Variants in ZNF614 observed in about 807,000 individuals in gnomAD.
ZNF614 encodes zinc finger protein 614.
In ZNF614, 11 loss-of-function variants were observed where a neutral mutation model predicts 12.8. That is an observed-to-expected ratio of 0.86 (90% CI 0.54 to 1.43). The LOEUF is 1.43. Among genes scored for constraint, ZNF614 ranks in the 40% most tolerant of loss-of-function variants. The probability of loss-of-function intolerance (pLI) is 0.00; values close to 1 mark genes in which losing one functional copy is unlikely to be tolerated. For missense variants in ZNF614, 664 were observed against 708.8 expected (o/e 0.94, Z 0.72); for synonymous variants, 237 against 237.5 (o/e 1.00, Z 0.02).
At position 52,015,818 on chromosome 19, in the gene ZNF614, T is replaced by C. The variant is rs752624933; in HGVS notation, c.*22A>G. On this transcript the variant is annotated 3_prime_UTR_variant, in exon 5 of 5. Transcript: ENST00000270649. ...GGCATTTCCATAGTCACGGCACTAGTAGGGTTTTCTTCTGCATGAGTTCAC... is the reference window on the plus strand; with the variant it reads ...GGCATTTCCATAGTCACGGCACTAGCAGGGTTTTCTTCTGCATGAGTTCAC... 5 of 1,578,852 alleles carry C rather than the reference T, an allele frequency of 3.2e-6. No homozygotes were observed. Among genetic ancestry groups the C allele is most frequent in the Non-Finnish European group, 2.6e-6 (3 of 1,163,322 alleles).
At chr19:52,021,499 C>T (rs2086932866) in intron 2 of ZNF614, among the ~76,000 whole-genome samples, 1 of 152,036 alleles carries the variant, frequency 6.6e-6, no homozygotes, top group East Asian at 1.9e-4. Flanking sequence ...TCTGTAATTA[C>T]AGTACTTCCA....
Position 52,027,211 on chromosome 19 carries a change from T to C in ZNF614, c.-217+1031A>G, listed in dbSNP as rs528807924. On this transcript the variant is annotated intron_variant, in intron 1 of 4. Transcript: ENST00000270649. ...GATCAATTTTAGGAAAGAGAACACA[T>C]GGAAGGCTCCAAGAATGTCTTTAAA... Among the ~76,000 whole-genome samples the C allele has an allele frequency of 3.3e-5, 5 of 152,356 alleles. No individual in the cohort carries two copies. The East Asian group carries it at 9.6e-4, about 29-fold the overall frequency.
chr19:52,027,731 G>A (rs1383127593), intron 1 of ZNF614, among the ~76,000 whole-genome samples: 5 of 152,118 alleles, frequency 3.3e-5, no homozygotes, highest in African/African-American at 1.2e-4. Flanking sequence ...AAAAACGTAT[G>A]AAGCAAAACA....
At position 52,015,626 on chromosome 19, in the gene ZNF614, A is replaced by G; in HGVS notation, c.*214T>C. ...ATTGACAGAAAATATGAGGTAAAAGACCACTAAAGGCACTACCTTATTTAC... is the reference window on the plus strand; with the variant it reads ...ATTGACAGAAAATATGAGGTAAAAGGCCACTAAAGGCACTACCTTATTTAC... On this transcript the variant is annotated 3_prime_UTR_variant, in exon 5 of 5. Coordinates refer to ENST00000270649, the MANE Select transcript of ZNF614 (RefSeq NM_025040.4). 2.1e-6 allele frequency: 1 copy of G among 477,610 alleles called. No homozygotes were observed. Among genetic ancestry groups the G allele is most frequent in the South Asian group, 3.8e-5 (1 of 26,554 alleles). 29.6% of individuals were successfully genotyped at this position (477,610 alleles called of 1,614,324 possible).
Position 52,016,796 on chromosome 19 carries a change from A to G in ZNF614, c.802T>C (p.Ser268Pro). The G allele has an allele frequency of 1.2e-6, 2 of 1,613,908 alleles. No homozygotes were observed. The highest frequency in any genetic ancestry group is 2.2e-5 in the East Asian group (1 of 44,872). The change falls in exon 5 of 5, where the codon TCT (serine) becomes CCT (proline). Residue 268 changes from serine (S) to proline (P), a missense_variant. Coordinates refer to ENST00000270649, the MANE Select transcript of ZNF614 (RefSeq NM_025040.4). ...GTAATGAGACTACTCTTCACAGTAG[A>G]GCCTTTTCTATATTCATTGGGTATA... ...ICIPNEYRKG[S>P]TVKSSLITHQ...
chr19:52,017,961 C>G, intron 4 of ZNF614, 47 bp downstream of exon 4: 1 of 1,462,344 alleles, frequency 6.8e-7, no homozygotes, highest in East Asian at 2.3e-5. Flanking sequence ...TCCTTAATGA[C>G]TACAATAAGA....
chr19:52,015,131 G>C lies in ZNF614; in HGVS notation c.*709C>G, dbSNP rs1402391740. Reference sequence around the variant, plus strand: ...ACCAGGTGTATTAGCTGATGTTTAAGGTTATACTTATTAAGAAAAAGCACT... The same window carrying C: ...ACCAGGTGTATTAGCTGATGTTTAACGTTATACTTATTAAGAAAAAGCACT... On this transcript the variant is annotated 3_prime_UTR_variant, in exon 5 of 5. Coordinates refer to ENST00000270649, the MANE Select transcript of ZNF614 (RefSeq NM_025040.4). 1.3e-5 allele frequency: 2 copies of C among 151,988 alleles called. No homozygotes were observed. Among genetic ancestry groups the C allele is most frequent in the Non-Finnish European group, 2.9e-5 (2 of 68,018 alleles). The allele number at this position is 151,988 out of a possible 1,614,324, so 9.4% of individuals were successfully genotyped here. A position where few individuals can be genotyped will look rare whatever the true frequency, so the allele number is the denominator to read the frequency against.
rs2086897765 is a variant in ZNF614 at position 52,016,416 on chromosome 19, T to C, written c.1182A>G (p.Thr394=). 1 of 1,614,208 alleles carries C rather than the reference T, an allele frequency of 6.2e-7. No individual in the cohort carries two copies. Among genetic ancestry groups the C allele is most frequent in the Non-Finnish European group, 8.5e-7 (1 of 1,180,030 alleles). ...CGCTGCATATGTAAGATTTTTCTCC[T>C]GTGTGGGAGCGCTGATGTACAATGA... The part of the protein sequence containing the change: ...SNLIVHQRSH[T]GEKSYICSEC... Residue 394 remains threonine, a synonymous_variant, in exon 5 of 5, where the codon ACA becomes ACG. Coordinates refer to ENST00000270649, the MANE Select transcript of ZNF614 (RefSeq NM_025040.4).
At chr19:52,028,078 G>A (rs1037404972) in intron 1 of ZNF614, among the ~76,000 whole-genome samples, 164 bp downstream of exon 1, 1 of 152,188 alleles carries the variant, frequency 6.6e-6, no homozygotes, top group Non-Finnish European at 1.5e-5. Context: ...AGTCGGACTC[G>A]TCGCTGATTT....
chr19:52,016,546 C>T lies in ZNF614; in HGVS notation c.1052G>A (p.Gly351Asp), dbSNP rs554426380. 2.6e-5 allele frequency: 42 copies of T among 1,613,934 alleles called. No individual in the cohort carries two copies. In the South Asian group the frequency reaches 3.7e-4, roughly 14 times the overall value. ...AACAAGATAGCGCTTCATGGTGAAGCCTTTTCCACATTCACTGCATATATA... is the reference window on the plus strand; with the variant it reads ...AACAAGATAGCGCTTCATGGTGAAGTCTTTTCCACATTCACTGCATATATA... ...KPYICSECGKGFTMKRYLVVH... is the reference protein window; with the variant it reads ...KPYICSECGKDFTMKRYLVVH... Residue 351 changes from glycine to aspartate, a missense_variant, in exon 5 of 5, where the codon GGC becomes GAC. Coordinates refer to ENST00000270649, the MANE Select transcript of ZNF614 (RefSeq NM_025040.4).
intron 3 of ZNF614, 52 bp downstream of exon 3, chr19:52,018,316 G>A (rs1440006368): frequency 1.7e-5 from 27 of 1,612,614 alleles, no homozygotes; most frequent in East Asian, 4.5e-5. Flanking sequence ...AGCATAGGAC[G>A]GTGTCTGGGC....
At chr19:52,023,103 AAAG>A (rs1488129829) in intron 2 of ZNF614, among the ~76,000 whole-genome samples, 1 of 151,076 alleles carries the variant, frequency 6.6e-6, no homozygotes, top group Non-Finnish European at 1.5e-5. Context: ...AAAAAAAAAA[AAAG>A]AAAAAAACTC....
rs760706528 is a variant in ZNF614 at position 52,017,038 on chromosome 19, T to C, written c.560A>G (p.His187Arg). 5 of 1,614,162 alleles carry C rather than the reference T, an allele frequency of 3.1e-6. No homozygotes were observed. In the East Asian group the frequency reaches 6.7e-5, roughly 22 times the overall value. ...TRFSENAKCI[H>R]TKFQVFKHQR... ...ATGCTTGAAGACTTGGAATTTAGTATGGATACATTTTGCATTTTCAGAAAA... is the reference window on the plus strand; with the variant it reads ...ATGCTTGAAGACTTGGAATTTAGTACGGATACATTTTGCATTTTCAGAAAA... Residue 187 changes from histidine (H) to arginine (R), a missense_variant, in exon 5 of 5, where the codon CAT (histidine) becomes CGT (arginine). By Grantham distance (29) the His-to-Arg change is conservative. Transcript: ENST00000270649.
In ZNF614 at chr19:52,014,528, C is replaced by T. The variant is rs912220981; in HGVS notation, c.*1312G>A. On this transcript the variant is annotated 3_prime_UTR_variant, in exon 5 of 5. Coordinates refer to ENST00000270649, the MANE Select transcript of ZNF614 (RefSeq NM_025040.4). The stretch of plus-strand genomic sequence containing the variant: ...ACAGGGCTCACAAAACTCAAGAAAA[C>T]AGCGTACTTTGTTTTACTGGTTATA... 6 of 152,160 alleles carry T rather than the reference C, an allele frequency of 3.9e-5. No individual in the cohort carries two copies. The highest frequency in any genetic ancestry group is 1.4e-4 in the African/African-American group (6 of 41,430). The allele number at this position is 152,160 out of a possible 1,614,324, so 9.4% of individuals were successfully genotyped here. A position where few individuals can be genotyped will look rare whatever the true frequency, so the allele number is the denominator to read the frequency against.
chr19:52,023,632 C>T (rs2086949376), intron 2 of ZNF614, among the ~76,000 whole-genome samples: 1 of 152,080 alleles, frequency 6.6e-6, no homozygotes, highest in Admixed American at 6.6e-5. Context: ...AAAAGACACA[C>T]CTATTTCTCA....
In ZNF614 at chr19:52,025,774, A is replaced by G; in HGVS notation, c.-29T>C. The G allele has an allele frequency of 1.2e-6, 2 of 1,612,838 alleles. No individual in the cohort carries two copies. The highest frequency in any genetic ancestry group is 1.7e-6 in the Non-Finnish European group (2 of 1,179,204). On this transcript the variant is annotated 5_prime_UTR_variant, in exon 2 of 5. Coordinates refer to ENST00000270649, the MANE Select transcript of ZNF614 (RefSeq NM_025040.4). ...CTTCTGTGCTCAGAAAATAGTGGAT[A>G]ACATGGACTATACGTCTTTGTCTCT...
At chr19:52,021,942 A>T (rs957586478) in intron 2 of ZNF614, among the ~76,000 whole-genome samples, 5 of 152,230 alleles carry the variant, frequency 3.3e-5, no homozygotes, top group African/African-American at 1.2e-4. Flanking sequence ...AAATTAAATG[A>T]ACAAAGACTA....
Position 52,016,163 on chromosome 19 carries a change from C to T in ZNF614, c.1435G>A (p.Gly479Arg), listed in dbSNP as rs2086895262. ...TCGGTACATACAAAGGGAGTCTTTC[C>T]TGTATGACATCTCTCATGTTGTATG... is the stretch of plus-strand genomic sequence containing the variant. ...CLIQHERCHT[G>R]KTPFVCTECG... The change falls in exon 5 of 5, where the codon GGA becomes AGA. Residue 479 changes from glycine to arginine, a missense_variant. Coordinates refer to ENST00000270649, the MANE Select transcript of ZNF614 (RefSeq NM_025040.4). 6.2e-7 allele frequency: 1 copy of T among 1,614,124 alleles called. No homozygotes were observed. Among genetic ancestry groups the T allele is most frequent in the East Asian group, 2.2e-5 (1 of 44,868 alleles).
chr19:52,015,880 T>C lies in ZNF614; in HGVS notation c.1718A>G (p.Asn573Ser). 6.2e-7 allele frequency: 1 copy of C among 1,613,636 alleles called. No homozygotes were observed. Among genetic ancestry groups the C allele is most frequent in the Non-Finnish European group, 8.5e-7 (1 of 1,179,808 alleles). Reference protein sequence around the residue: ...REMGRISQVENSCNGESQLLP... With the variant: ...REMGRISQVESSCNGESQLLP... ...GAGCTGTGACTCTCCATTACAGGAG[T>C]TTTCAACTTGACTGATTCTACCCAT... The change falls in exon 5 of 5, where the codon AAC becomes AGC. Residue 573 changes from asparagine to serine, a missense_variant. Transcript: ENST00000270649.
Sources: allele counts gnomAD v4.1 joint callset (sites outside exome capture counted in the v4.1 genomes callset), GRCh38; gene constraint gnomAD v4.1.1; transcripts MANE v1.5; gene names NCBI Gene and HGNC (gene_info 2026-07-23, HGNC 2026-07-21).